Variants in CDK14 observed in about 807,000 individuals in gnomAD.
CDK14 encodes the protein cyclin dependent kinase 14.
CDK14 carries 34 observed loss-of-function variants against 60.7 expected under a neutral mutation model. The observed-to-expected ratio is 0.56, with a 90% CI of 0.43 to 0.75. The LOEUF is 0.75. CDK14 is among the 30% of genes least tolerant of loss of function. The pLI is 0.00. For missense variants in CDK14, 482 were observed against 564.1 expected, an observed-to-expected ratio of 0.85 and a Z score of 1.47; for synonymous variants, 197 against 203.7, an observed-to-expected ratio of 0.97 and a Z score of 0.28.
chr7:90,743,563 A>G (rs1803441667), intron 3 of CDK14, among the ~76,000 whole-genome samples: 1 of 152,124 alleles, frequency 6.6e-6, no homozygotes. Context: ...ATTATTAGTT[A>G]CTTGCTTGCT....
At chr7:90,679,940 G>A (rs570364088) in intron 2 of CDK14, among the ~76,000 whole-genome samples, 5 of 152,174 alleles carry the variant, frequency 3.3e-5, no homozygotes, top group African/African-American at 4.8e-5. Flanking sequence ...TGTGGCTCTC[G>A]GAGACTATTG....
intron 11 of CDK14, among the ~76,000 whole-genome samples, chr7:91,047,979 A>G (rs530057060): frequency 6.6e-6 from 1 of 152,204 alleles, no homozygotes; most frequent in South Asian, 2.1e-4. Context: ...GCCTGTCCCA[A>G]CTCCACTCTC....
chr7:90,963,086 A>AGAGTGTGTGTGTGTGTGTGT (rs146903374), intron 9 of CDK14, among the ~76,000 whole-genome samples: 16 of 142,180 alleles, frequency 1.1e-4, no homozygotes, highest in South Asian at 4.7e-4. Context: ...TCATCTTAAG[A>AGAGTGTGTGTGTGTGTGTGT]GTGTGTGTGT....
intron 8 of CDK14, among the ~76,000 whole-genome samples, chr7:90,920,733 T>C (rs1487908632): frequency 2.0e-5 from 3 of 152,258 alleles, no homozygotes; most frequent in Admixed American, 2.0e-4. Context: ...CCATGCTTTA[T>C]AAATAGATTA....
intron 2 of CDK14, among the ~76,000 whole-genome samples, chr7:90,706,083 A>G (rs747164948): frequency 6.6e-6 from 1 of 152,134 alleles, no homozygotes; most frequent in African/African-American, 2.4e-5. Context: ...GTCCACTGAG[A>G]TTGTTTTTAC....
At chr7:90,887,519 A>G (rs1405598881) in intron 6 of CDK14, among the ~76,000 whole-genome samples, 1 of 152,214 alleles carries the variant, frequency 6.6e-6, no homozygotes, top group Non-Finnish European at 1.5e-5. Context: ...ACATCTAGCC[A>G]GGAAGATTTA....
intron 3 of CDK14, among the ~76,000 whole-genome samples, chr7:90,727,451 G>C (rs1802685385): frequency 6.6e-6 from 1 of 152,062 alleles, no homozygotes; most frequent in South Asian, 2.1e-4. Flanking sequence ...AGTTAGAAAG[G>C]AACACACCAA....
At chr7:91,050,840 G>C (rs1797370610) in intron 11 of CDK14, among the ~76,000 whole-genome samples, 1 of 152,188 alleles carries the variant, frequency 6.6e-6, no homozygotes, top group Non-Finnish European at 1.5e-5. Flanking sequence ...CATGGTAAAA[G>C]AGGGAGCGAA....
In CDK14 at chr7:90,971,653, T is replaced by TG. The variant is rs368129792; in HGVS notation, c.948-12495_948-12494insG. ...CAACTTGATGACTGCATATACATAG[T>TG]AAAAAAAAAAAAAAAAAAGGCAAAA... On this transcript the variant is annotated intron_variant, in intron 9 of 14. Coordinates refer to ENST00000380050, the MANE Select transcript of CDK14 (RefSeq NM_001287135.2). 8.4e-5 allele frequency among the ~76,000 whole-genome samples: 10 copies of TG among 119,540 alleles called. No individual in the cohort carries two copies. In the East Asian group the frequency reaches 2.4e-3, roughly 29 times the overall value. 78.4% of individuals were successfully genotyped at this position (119,540 alleles called of 152,430 possible).
chr7:90,608,732 A>G (rs1042181449), intron 2 of CDK14, among the ~76,000 whole-genome samples: 2 of 152,130 alleles, frequency 1.3e-5, no homozygotes, highest in African/African-American at 4.8e-5. Context: ...TGCTTTGGTG[A>G]GTTATTTTAT....
chr7:90,870,443 A>T (rs1791335129), intron 6 of CDK14, among the ~76,000 whole-genome samples: 2 of 152,214 alleles, frequency 1.3e-5, no homozygotes, highest in South Asian at 4.1e-4. Context: ...AACCCCCATT[A>T]CACAAGCTTA....
rs780024761 is a variant in CDK14, at chr7:90,596,708, C to T, written c.81C>T (p.Phe27=). The change falls in exon 1 of 15, where the codon TTC becomes TTT. Residue 27 remains phenylalanine (F), a synonymous_variant. Coordinates refer to ENST00000380050, the MANE Select transcript of CDK14 (RefSeq NM_001287135.2). The part of the protein sequence containing the change: ...KKLRRTLSES[F]SRIALKKDDT... ...TGCGGAGAACTTTGTCGGAGAGTTT[C>T]AGTCGCATTGGTGAGTAGCGCGCTG... 4 of 1,611,540 alleles carry T rather than the reference C, an allele frequency of 2.5e-6. No individual in the cohort carries two copies. The highest frequency in any genetic ancestry group is 1.3e-5 in the African/African-American group (1 of 74,984).
intron 12 of CDK14, among the ~76,000 whole-genome samples, chr7:91,110,035 A>G (rs1799426753): frequency 6.6e-6 from 1 of 152,094 alleles, no homozygotes; most frequent in African/African-American, 2.4e-5. Context: ...CACCACCACC[A>G]TTCTAACAAT....
intron 5 of CDK14, among the ~76,000 whole-genome samples, chr7:90,845,596 G>A (rs1373729118): frequency 6.6e-6 from 1 of 151,298 alleles, no homozygotes; most frequent in Admixed American, 6.6e-5. Flanking sequence ...AATTGTTTTT[G>A]CCAGCTCACT....
At chr7:90,842,295 C>G (rs916206470) in intron 5 of CDK14, among the ~76,000 whole-genome samples, 4 of 152,108 alleles carry the variant, frequency 2.6e-5, no homozygotes, top group Non-Finnish European at 5.9e-5. Flanking sequence ...TCCTGTCAAA[C>G]GATCCCCACA....
intron 2 of CDK14, among the ~76,000 whole-genome samples, chr7:90,641,336 G>A (rs770015800): frequency 6.6e-6 from 1 of 152,014 alleles, no homozygotes; most frequent in Admixed American, 6.6e-5. Flanking sequence ...AAAGGACAGA[G>A]CAGCATTGTT....
chr7:91,077,871 A>G (rs1798370331), intron 11 of CDK14, among the ~76,000 whole-genome samples: 1 of 152,134 alleles, frequency 6.6e-6, no homozygotes, highest in Admixed American at 6.5e-5. Context: ...AGAATCCAAT[A>G]TTAAATTTGG....
chr7:90,620,356 CA>C (rs1213307764), intron 2 of CDK14, among the ~76,000 whole-genome samples: 2 of 152,138 alleles, frequency 1.3e-5, no homozygotes, highest in Non-Finnish European at 2.9e-5. Flanking sequence ...ACTGGCATGT[CA>C]GGGGCAATGA....
chr7:90,813,636 C>A (rs1789229915), intron 5 of CDK14, among the ~76,000 whole-genome samples: 1 of 152,070 alleles, frequency 6.6e-6, no homozygotes, highest in Non-Finnish European at 1.5e-5. Context: ...GTAATCCCAG[C>A]TACTTGGGAG....
Sources: allele counts gnomAD v4.1 joint callset (sites outside exome capture counted in the v4.1 genomes callset), GRCh38; gene constraint gnomAD v4.1.1; transcripts MANE v1.5; gene names NCBI Gene and HGNC (gene_info 2026-07-23, HGNC 2026-07-21).